TMEM200A: variants seen among roughly 807,000 people sequenced by gnomAD.
TMEM200A encodes the protein transmembrane protein 200A, also known as two transmembrane C.
Under a neutral mutation model 24.3 loss-of-function variants are expected in TMEM200A, and 12 were observed. The observed-to-expected ratio is 0.49, with a 90% confidence interval of 0.32 to 0.80. TMEM200A has a LOEUF of 0.80. Ranked by LOEUF, TMEM200A falls within the 30% of genes least tolerant of loss-of-function variation. The pLI is 0.04. For synonymous variants in TMEM200A, 224 were observed against 224.4 expected (o/e 1.00, Z 0.02); for missense variants, 545 against 614.4 (o/e 0.89, Z 1.19).
At chr6:130,396,241 G>A (rs749049362) in intron 2 of TMEM200A, among the ~76,000 whole-genome samples, 24 of 151,968 alleles carry the variant, frequency 1.6e-4, no homozygotes, top group Non-Finnish European at 2.9e-4. Context: ...TGATGATAGA[G>A]GTTTAGAAAA....
chr6:130,430,271 C>T (rs1779844536), intron 2 of TMEM200A, among the ~76,000 whole-genome samples: 1 of 151,884 alleles, frequency 6.6e-6, no homozygotes, highest in Non-Finnish European at 1.5e-5. Context: ...TTATATTAAT[C>T]CCATCATGGA....
chr6:130,395,905 A>G (rs1304731727), intron 2 of TMEM200A, among the ~76,000 whole-genome samples: 1 of 152,240 alleles, frequency 6.6e-6, no homozygotes, highest in Non-Finnish European at 1.5e-5. Context: ...GGGCTTGGCT[A>G]TCCAGTTGGT....
At chr6:130,410,482 A>G (rs904777060) in intron 2 of TMEM200A, among the ~76,000 whole-genome samples, 1 of 152,224 alleles carries the variant, frequency 6.6e-6, no homozygotes, top group African/African-American at 2.4e-5. Context: ...CTTAAATGGA[A>G]AAAGAACCAT....
chr6:130,366,540 G>A lies in TMEM200A; in HGVS notation c.-81+16G>A. 3.0e-6 allele frequency: 3 copies of A among 985,826 alleles called. No individual in the cohort carries two copies. The highest frequency in any genetic ancestry group is 3.6e-6 in the Non-Finnish European group (3 of 830,254). The allele number at this position is 985,826 out of a possible 1,614,324, so 61.1% of individuals were successfully genotyped here. On this transcript the variant is annotated intron_variant, in intron 1 of 2. Transcript: ENST00000296978. This position sits in a 1 kb window ranked among gnomAD's most constrained non-coding sequence, Gnocchi z 4.4. The stretch of plus-strand genomic sequence containing the variant: ...CTCAGGACAGGTGAGGGGAAGGAAA[G>A]GGTGCTGACGGGAGTGGGGAGGTGG...
chr6:130,400,533 T>A (rs1342533615), intron 2 of TMEM200A, among the ~76,000 whole-genome samples: 1 of 151,898 alleles, frequency 6.6e-6, no homozygotes, highest in African/African-American at 2.4e-5. Context: ...TTTTTTTTAA[T>A]TGTGAGCTTA....
At chr6:130,401,434 T>C (rs1562559319) in intron 2 of TMEM200A, among the ~76,000 whole-genome samples, 2 of 144,810 alleles carry the variant, frequency 1.4e-5, no homozygotes, top group Non-Finnish European at 1.5e-5. Flanking sequence ...TCTTTCTCTC[T>C]TTCCTTCCTT....
At chr6:130,437,394 T>C (rs1429130737) in intron 2 of TMEM200A, 1 of 152,242 alleles carries the variant, frequency 6.6e-6, no homozygotes, top group African/African-American at 2.4e-5. Flanking sequence ...TATGTGGATC[T>C]GTTAGCTCCT....
intron 2 of TMEM200A, among the ~76,000 whole-genome samples, chr6:130,411,040 A>C (rs1779317778): frequency 6.6e-6 from 1 of 152,116 alleles, no homozygotes; most frequent in South Asian, 2.1e-4. Flanking sequence ...ATGGTGATGC[A>C]TGCTTGTAAT....
chr6:130,378,648 G>A lies in TMEM200A; in HGVS notation c.-80-6525G>A, dbSNP rs547377863. On this transcript the variant is annotated intron_variant, in intron 1 of 2. Transcript: ENST00000296978. Reference sequence around the variant, plus strand: ...CTGAGGCAGAGAATCACTTGAACCCGAGAGGTGGATGTTGCAGTGAGCCAA... The same window carrying A: ...CTGAGGCAGAGAATCACTTGAACCCAAGAGGTGGATGTTGCAGTGAGCCAA... Among the ~76,000 whole-genome samples, 230 of 151,048 alleles carry A rather than the reference G, an allele frequency of 1.5e-3. 2 individuals are homozygous for A. The highest frequency in any genetic ancestry group is 5.3e-3 in the African/African-American group (216 of 41,098).
Position 130,441,395 on chromosome 6 carries a change from G to A in TMEM200A, c.973G>A (p.Asp325Asn). The A allele has an allele frequency of 1.2e-6, 2 of 1,614,064 alleles. No individual in the cohort carries two copies. Among genetic ancestry groups the A allele is most frequent in the Non-Finnish European group, 1.7e-6 (2 of 1,179,982 alleles). Reference protein sequence around the residue: ...LKSRSRNLSMDSLVVPLPNTS... With the variant: ...LKSRSRNLSMNSLVVPLPNTS... ...AAGTAGGTCAAGGAATTTGTCAATG[G>A]ATTCCCTTGTGGTTCCTTTGCCCAA... is the stretch of plus-strand genomic sequence containing the variant. Residue 325 changes from aspartate to asparagine, a missense_variant, in exon 3 of 3, where the codon GAT becomes AAT. Coordinates refer to ENST00000296978, the MANE Select transcript of TMEM200A (RefSeq NM_001258277.2).
At chr6:130,402,165 T>C (rs1370643339) in intron 2 of TMEM200A, among the ~76,000 whole-genome samples, 2 of 151,498 alleles carry the variant, frequency 1.3e-5, no homozygotes, top group Non-Finnish European at 2.9e-5. Flanking sequence ...GGGAGAAATA[T>C]CACAATTTGC....
At chr6:130,439,076 G>T (rs1443435855) in intron 2 of TMEM200A, 1 of 152,178 alleles carries the variant, frequency 6.6e-6, no homozygotes, top group Admixed American at 6.5e-5. Context: ...TTAAAGAGAA[G>T]AGTTAGAGAC....
At chr6:130,371,784 T>G (rs1583168975) in intron 1 of TMEM200A, among the ~76,000 whole-genome samples, 1 of 152,316 alleles carries the variant, frequency 6.6e-6, no homozygotes. Context: ...CAACTGGAGT[T>G]TGATTGTTGA....
chr6:130,386,858 C>T (rs922533375), intron 2 of TMEM200A, among the ~76,000 whole-genome samples: 4 of 152,124 alleles, frequency 2.6e-5, no homozygotes, highest in South Asian at 2.1e-4. Context: ...CCTTTTTCTT[C>T]GCCAGCATCA....
At chr6:130,422,068 TACAC>T (rs2115184041) in intron 2 of TMEM200A, among the ~76,000 whole-genome samples, 1 of 152,284 alleles carries the variant, frequency 6.6e-6, no homozygotes, top group South Asian at 2.1e-4. Flanking sequence ...TTCGGATAAA[TACAC>T]AGAAGAGAGA....
At chr6:130,371,373 T>G (rs1778317716) in intron 1 of TMEM200A, among the ~76,000 whole-genome samples, 1 of 152,210 alleles carries the variant, frequency 6.6e-6, no homozygotes, top group Non-Finnish European at 1.5e-5. Flanking sequence ...AATAACTTAC[T>G]GAAGGTTATG....
At chr6:130,422,252 G>A (rs896703530) in intron 2 of TMEM200A, among the ~76,000 whole-genome samples, 97 of 152,134 alleles carry the variant, frequency 6.4e-4, no homozygotes, top group African/African-American at 2.2e-3. Flanking sequence ...TGAAAGGTGT[G>A]AGGAGATATC....
intron 2 of TMEM200A, among the ~76,000 whole-genome samples, chr6:130,406,489 A>G (rs899619965): frequency 6.6e-6 from 1 of 152,140 alleles, no homozygotes; most frequent in Non-Finnish European, 1.5e-5. Context: ...ATCTAAATAT[A>G]TATAGTCTTC....
intron 2 of TMEM200A, among the ~76,000 whole-genome samples, chr6:130,395,412 T>C (rs948831175): frequency 6.6e-6 from 1 of 152,208 alleles, no homozygotes; most frequent in Non-Finnish European, 1.5e-5. Flanking sequence ...TATTAAACTT[T>C]CTGAAACATT....
Sources: allele counts gnomAD v4.1 joint callset (sites outside exome capture counted in the v4.1 genomes callset), GRCh38; gene constraint gnomAD v4.1.1; non-coding constraint Gnocchi (gnomAD v3.1); transcripts MANE v1.5; gene names NCBI Gene and HGNC (gene_info 2026-07-23, HGNC 2026-07-21).